ANKAR: variants seen among roughly 807,000 people sequenced by gnomAD.
The protein encoded by ANKAR is ankyrin and armadillo repeat containing, also known as ankyrin and armadillo repeat-containing protein.
Under a neutral mutation model 146.2 loss-of-function variants are expected in ANKAR, and 136 were observed. The ratio of observed to expected loss-of-function variants is 0.93; its 90% confidence interval spans 0.81 to 1.07. The LOEUF is 1.07. Ranked by LOEUF, ANKAR falls within the 50% of genes least tolerant of loss-of-function variation. ANKAR has a pLI of 0.00. For synonymous variants in ANKAR, 500 were observed against 575.8 expected (o/e 0.87, Z 1.88); for missense variants, 1,567 against 1,679.9 (o/e 0.93, Z 1.18).
intron 2 of ANKAR, among the ~76,000 whole-genome samples, chr2:189,681,006 G>A (rs1291752402): frequency 2.8e-4 from 1 of 3,636 alleles, no homozygotes; most frequent in East Asian, 0.1. Flanking sequence ...GTAGAGCCTT[G>A]ACATTCTGAC....
At chr2:189,758,201 G>A (rs1308066067) in intron 18 of ANKAR, among the ~76,000 whole-genome samples, 4 of 152,120 alleles carry the variant, frequency 2.6e-5, no homozygotes, top group Non-Finnish European at 5.9e-5. Flanking sequence ...GACCAACATG[G>A]AGAAACCCCA....
chr2:189,731,122 G>A (rs947208986), intron 16 of ANKAR, among the ~76,000 whole-genome samples: 1 of 152,188 alleles, frequency 6.6e-6, no homozygotes, highest in Non-Finnish European at 1.5e-5. Flanking sequence ...ATTATTGTGA[G>A]TTGTTGAAGA....
At position 189,727,842 on chromosome 2, in the gene ANKAR, A is replaced by T; in HGVS notation, c.2636-14A>T. The T allele has an allele frequency of 6.2e-7, 1 of 1,610,402 alleles. No homozygotes were observed. The highest frequency in any genetic ancestry group is 8.5e-7 in the Non-Finnish European group (1 of 1,177,744). On this transcript the variant is annotated splice_polypyrimidine_tract_variant and intron_variant, in intron 12 of 22. Coordinates refer to ENST00000684021, the MANE Select transcript of ANKAR (RefSeq NM_001378068.1). ...CATAAGGTTTATTTAACTTGTTCTT[A>T]AATTCATTTGAAGATGTGTTGAAGG...
chr2:189,676,415 T>C (rs909791171), intron 1 of ANKAR, 41 bp from the exon 2 acceptor site: 2 of 1,428,242 alleles, frequency 1.4e-6, no homozygotes, highest in Admixed American at 5.3e-5. Flanking sequence ...CATTGGCATG[T>C]CAGATTTTAT....
At chr2:189,760,646 CT>C (rs1412821834) in intron 18 of ANKAR, among the ~76,000 whole-genome samples, 2 of 151,974 alleles carry the variant, frequency 1.3e-5, no homozygotes, top group Non-Finnish European at 2.9e-5. Flanking sequence ...AAAAAATCAG[CT>C]GGGCGTGGTG....
chr2:189,718,016 A>G (rs1466005285), intron 10 of ANKAR, among the ~76,000 whole-genome samples: 5 of 152,318 alleles, frequency 3.3e-5, no homozygotes, highest in Middle Eastern at 3.4e-3. Flanking sequence ...CAGCAAACCA[A>G]CATAGCACAT....
At chr2:189,757,993 A>C (rs1156617799) in intron 18 of ANKAR, among the ~76,000 whole-genome samples, 1 of 152,166 alleles carries the variant, frequency 6.6e-6, no homozygotes, top group Non-Finnish European at 1.5e-5. Context: ...CCAATGTTGA[A>C]GATGGGGCCT....
At position 189,691,876 on chromosome 2, in the gene ANKAR, C is replaced by T. The variant is rs180739872; in HGVS notation, c.1040-379C>T. Among the ~76,000 whole-genome samples the T allele has an allele frequency of 5.2e-4, 79 of 152,122 alleles. 1 individual carries two copies. The highest frequency in any genetic ancestry group is 1.6e-3 in the African/African-American group (68 of 41,512). On this transcript the variant is annotated intron_variant, in intron 3 of 22. Coordinates refer to ENST00000684021, the MANE Select transcript of ANKAR (RefSeq NM_001378068.1). ...TCCTGGGCTCAAGCGATACTCTCAC[C>T]TCAGCCTCCCAAGTAACTGGGATTA... is the stretch of plus-strand genomic sequence containing the variant.
intron 7 of ANKAR, among the ~76,000 whole-genome samples, chr2:189,704,408 G>C (rs1268874534): frequency 1.3e-5 from 2 of 150,906 alleles, no homozygotes; most frequent in Non-Finnish European, 3.0e-5. Context: ...GCTTCCCAAA[G>C]TGCTGGGATT....
chr2:189,725,848 C>T (rs1482227618), intron 12 of ANKAR, among the ~76,000 whole-genome samples: 1 of 152,054 alleles, frequency 6.6e-6, no homozygotes, highest in Non-Finnish European at 1.5e-5. Flanking sequence ...GCAGAGGTTG[C>T]AGTGAGCTGA....
At chr2:189,739,516 T>C (rs2043138405) in intron 19 of ANKAR, among the ~76,000 whole-genome samples, 1 of 152,000 alleles carries the variant, frequency 6.6e-6, no homozygotes, top group Admixed American at 6.6e-5. Flanking sequence ...AATTCAATGT[T>C]ATAGTAATTC....
At chr2:189,677,742 C>T (rs1372661640) in intron 2 of ANKAR, among the ~76,000 whole-genome samples, 1 of 151,490 alleles carries the variant, frequency 6.6e-6, no homozygotes, top group Non-Finnish European at 1.5e-5. Flanking sequence ...AACCCCTGGC[C>T]TCATATGATC....
chr2:189,754,462 A>T (rs529784797), intron 18 of ANKAR: 95 of 970,526 alleles, frequency 9.8e-5, no homozygotes, highest in Non-Finnish European at 1.3e-4. Flanking sequence ...TGAATAAAAC[A>T]TGCTATACTT....
intron 19 of ANKAR, among the ~76,000 whole-genome samples, chr2:189,739,569 T>G (rs1248933140): frequency 7.5e-6 from 1 of 133,366 alleles, no homozygotes; most frequent in African/African-American, 3.2e-5. Context: ...GACTCCACAG[T>G]TTTTTTTTTT....
At position 189,676,758 on chromosome 2, in the gene ANKAR, G is replaced by A. The variant is rs2033753473; in HGVS notation, c.268G>A (p.Asp90Asn). 5 of 1,613,986 alleles carry A rather than the reference G, an allele frequency of 3.1e-6. No homozygotes were observed. The Middle Eastern group carries it at 4.9e-4, about 159-fold the overall frequency. Reference sequence around the variant, plus strand: ...CACTGCAATCCTACTGACTCCCGTGGACCCTACTGCCCTCTTAGACTATAG... The same window carrying A: ...CACTGCAATCCTACTGACTCCCGTGAACCCTACTGCCCTCTTAGACTATAG... Reference protein sequence around the residue: ...FSTAILLTPVDPTALLDYREV... With the variant: ...FSTAILLTPVNPTALLDYREV... Residue 90 changes from aspartate (D) to asparagine (N), a missense_variant, in exon 2 of 23, where the codon GAC becomes AAC. Asp to Asn is a conservative substitution (Grantham distance 23). Coordinates refer to ENST00000684021, the MANE Select transcript of ANKAR (RefSeq NM_001378068.1).
Position 189,738,577 on chromosome 2 carries a change from G to A in ANKAR, c.3595G>A (p.Ala1199Thr). The A allele has an allele frequency of 6.2e-7, 1 of 1,600,878 alleles. No homozygotes were observed. The highest frequency in any genetic ancestry group is 2.2e-5 in the East Asian group (1 of 44,570). The change falls in exon 19 of 23, where the codon GCT becomes ACT. Residue 1199 changes from alanine to threonine, a missense_variant. Coordinates refer to ENST00000684021, the MANE Select transcript of ANKAR (RefSeq NM_001378068.1). ...TTTCTGTTTTCAGATTGTTGTACTG[G>A]CTAAAGTCATTAGAGATATGGACCA... is the stretch of plus-strand genomic sequence containing the variant. Reference protein sequence around the residue: ...AMAAFQIVVLAKVIRDMDHIT... With the variant: ...AMAAFQIVVLTKVIRDMDHIT...
chr2:189,732,857 C>A (rs2042544522), intron 16 of ANKAR, among the ~76,000 whole-genome samples: 1 of 152,000 alleles, frequency 6.6e-6, no homozygotes, highest in South Asian at 2.1e-4. Context: ...GTTCCTTTCT[C>A]CAGTGCCCTC....
intron 12 of ANKAR, among the ~76,000 whole-genome samples, chr2:189,725,643 C>T (rs2041800355): frequency 6.6e-6 from 1 of 152,322 alleles, no homozygotes; most frequent in Admixed American, 6.5e-5. Flanking sequence ...CACAGTGGCT[C>T]ATGCCTATAA....
chr2:189,742,969 CACACA>C (rs2043586454), intron 20 of ANKAR, among the ~76,000 whole-genome samples: 1 of 131,842 alleles, frequency 7.6e-6, no homozygotes, highest in Non-Finnish European at 1.7e-5. Flanking sequence ...CACACACACA[CACACA>C]CACACACCCC....
Sources: allele counts gnomAD v4.1 joint callset (sites outside exome capture counted in the v4.1 genomes callset), GRCh38; gene constraint gnomAD v4.1.1; transcripts MANE v1.5; gene names NCBI Gene and HGNC (gene_info 2026-07-23, HGNC 2026-07-21).